TANC2: variants seen among roughly 807,000 people sequenced by gnomAD.
The protein encoded by TANC2 is tetratricopeptide repeat, ankyrin repeat and coiled-coil containing 2, also known as protein TANC2.
A neutral mutation model predicts 210.5 loss-of-function variants in TANC2; 26 were observed. The observed-to-expected ratio is 0.12, with a 90% CI of 0.09 to 0.17. The LOEUF (loss-of-function observed/expected upper bound fraction) is 0.17, where lower values mean the gene tolerates loss of function less well. TANC2 is among the 10% of genes least tolerant of loss of function. The pLI, the probability that TANC2 is intolerant of heterozygous loss-of-function variation, is 1.00. For synonymous variants in TANC2, 931 were observed against 967.1 expected (o/e 0.96, Z 0.69); for missense variants, 2,129 against 2,608.9 (o/e 0.82, Z 4.01).
At chr17:63,044,975 CAAA>C (rs1420032925) in intron 2 of TANC2, among the ~76,000 whole-genome samples, 1 of 152,110 alleles carries the variant, frequency 6.6e-6, no homozygotes, top group East Asian at 1.9e-4. Context: ...GCAGGTTCAG[CAAA>C]CTGTAGCCCA....
chr17:62,992,311 G>A (rs1395279688), intron 1 of TANC2, among the ~76,000 whole-genome samples: 13 of 152,196 alleles, frequency 8.5e-5, no homozygotes, highest in Admixed American at 8.5e-4. Flanking sequence ...ACAAGATTGA[G>A]TATAAGATTT....
intron 11 of TANC2, among the ~76,000 whole-genome samples, chr17:63,337,744 C>T (rs1266317551): frequency 2.6e-5 from 4 of 152,062 alleles, no homozygotes; most frequent in African/African-American, 9.7e-5. Flanking sequence ...TACCCATTAG[C>T]TATTTTTACT....
At chr17:63,239,971 C>G (rs2042729507) in intron 8 of TANC2, among the ~76,000 whole-genome samples, 1 of 152,124 alleles carries the variant, frequency 6.6e-6, no homozygotes, top group South Asian at 2.1e-4. Context: ...CTCTGGAGAA[C>G]TCTCATATTA....
chr17:62,984,437 A>G (rs1444264459), intron 1 of TANC2, among the ~76,000 whole-genome samples: 1 of 150,958 alleles, frequency 6.6e-6, no homozygotes, highest in East Asian at 1.9e-4. Flanking sequence ...GATCTTTAGT[A>G]TTTTTTTTGT....
chr17:63,129,376 T>G (rs1383944387), intron 4 of TANC2, among the ~76,000 whole-genome samples: 1 of 152,180 alleles, frequency 6.6e-6, no homozygotes, highest in Non-Finnish European at 1.5e-5. Context: ...TTTTTACATG[T>G]TATTCACATT....
At chr17:63,158,819 G>A (rs182609554) in intron 5 of TANC2, among the ~76,000 whole-genome samples, 6 of 152,294 alleles carry the variant, frequency 3.9e-5, no homozygotes, top group African/African-American at 1.4e-4. Flanking sequence ...GCTCTCACAG[G>A]TTGCAATCAA....
intron 8 of TANC2, 106 bp from the exon 9 acceptor site, chr17:63,267,642 T>A (rs570122193): frequency 1.9e-6 from 2 of 1,056,984 alleles, no homozygotes; most frequent in Admixed American, 2.8e-5. Context: ...TGCATATATA[T>A]TTTTTGGCTG....
chr17:63,382,116 C>T (rs962609350), intron 15 of TANC2, among the ~76,000 whole-genome samples: 2 of 152,192 alleles, frequency 1.3e-5, no homozygotes, highest in African/African-American at 4.8e-5. Context: ...ACTCCACTAA[C>T]CAGAAGAAAT....
intron 4 of TANC2, among the ~76,000 whole-genome samples, chr17:63,104,749 A>G (rs1314352029): frequency 2.0e-5 from 3 of 152,054 alleles, no homozygotes; most frequent in East Asian, 3.8e-4. Flanking sequence ...GAGGGATGAC[A>G]TAAGTTGTGC....
chr17:63,411,948 T>C, intron 22 of TANC2, 50 bp from the exon 23 acceptor site: 1 of 1,608,348 alleles, frequency 6.2e-7, no homozygotes, highest in Non-Finnish European at 8.5e-7. Flanking sequence ...GGTGGAACAG[T>C]GCTGAGCCAT....
intron 14 of TANC2, among the ~76,000 whole-genome samples, chr17:63,358,041 T>A (rs890149658): frequency 3.9e-5 from 6 of 152,196 alleles, no homozygotes; most frequent in African/African-American, 1.4e-4. Context: ...TTTAGTCCAT[T>A]TTCCTGGGCT....
chr17:63,235,395 C>T (rs2042593274), intron 7 of TANC2, among the ~76,000 whole-genome samples: 1 of 151,994 alleles, frequency 6.6e-6, no homozygotes, highest in Non-Finnish European at 1.5e-5. Context: ...CTTCCAAAAT[C>T]TCATAAGGTT....
At chr17:63,203,492 G>C (rs1216423886) in intron 7 of TANC2, among the ~76,000 whole-genome samples, 5 of 152,050 alleles carry the variant, frequency 3.3e-5, no homozygotes, top group Non-Finnish European at 7.4e-5. Context: ...TCATATATGC[G>C]ATTATAGACC....
intron 11 of TANC2, among the ~76,000 whole-genome samples, chr17:63,321,712 C>G (rs2045499318): frequency 6.6e-6 from 1 of 152,112 alleles, no homozygotes; most frequent in African/African-American, 2.4e-5. Context: ...ATTTAAGCCC[C>G]TTGTTTTCAG....
At chr17:63,003,795 T>C (rs1358238463) in intron 1 of TANC2, among the ~76,000 whole-genome samples, 1 of 152,234 alleles carries the variant, frequency 6.6e-6, no homozygotes, top group East Asian at 1.9e-4. Context: ...AAATTTTTAA[T>C]AACCTCCAAA....
intron 4 of TANC2, chr17:63,149,185 AT>A (rs2039563035): frequency 6.6e-6 from 1 of 152,182 alleles, no homozygotes; most frequent in South Asian, 2.1e-4. Flanking sequence ...AGAATTGTGT[AT>A]TTTAGTAAGA....
intron 14 of TANC2, among the ~76,000 whole-genome samples, chr17:63,365,006 A>C (rs1273397590): frequency 6.6e-6 from 1 of 152,196 alleles, no homozygotes; most frequent in Non-Finnish European, 1.5e-5. Context: ...TCTTGTACTG[A>C]AAGTAGCACA....
chr17:63,011,962 T>G (rs2033893060), intron 2 of TANC2, among the ~76,000 whole-genome samples: 1 of 151,834 alleles, frequency 6.6e-6, no homozygotes, highest in Non-Finnish European at 1.5e-5. Context: ...ATTCTATGCT[T>G]CTTTCTCTCC....
intron 7 of TANC2, among the ~76,000 whole-genome samples, chr17:63,224,246 G>C (rs1053954293): frequency 7.0e-6 from 1 of 143,692 alleles, no homozygotes; most frequent in Non-Finnish European, 1.5e-5. Flanking sequence ...TCCCAGACTT[G>C]CTGATTTTTT....
Sources: gnomAD v4.1 joint callset for allele counts (sites outside exome capture counted in the v4.1 genomes callset) on GRCh38, gnomAD v4.1.1 for gene constraint, MANE v1.5 for transcripts, NCBI Gene and HGNC (gene_info 2026-07-23, HGNC 2026-07-21) for gene names.